KDM4C: variants seen among roughly 807,000 people sequenced by gnomAD.
KDM4C encodes the protein lysine-specific demethylase 4C.
Under a neutral mutation model 129.3 loss-of-function variants are expected in KDM4C, and 81 were observed. The ratio of observed to expected loss-of-function variants is 0.63; its 90% CI spans 0.52 to 0.75. The LOEUF (loss-of-function observed/expected upper bound fraction) is 0.75, where lower values mean the gene tolerates loss of function less well. Among genes scored for constraint, KDM4C ranks in the 30% least tolerant of loss-of-function variants. KDM4C has a pLI of 0.00. For missense variants in KDM4C, 1,457 were observed against 1,304.0 expected (o/e 1.12, Z -1.81); for synonymous variants, 573 against 456.1 (o/e 1.26, Z -3.26).
At chr9:7,025,201 C>T (rs995148581) in intron 15 of KDM4C, among the ~76,000 whole-genome samples, 13 of 152,120 alleles carry the variant, frequency 8.5e-5, no homozygotes, top group African/African-American at 2.4e-4. Context: ...TTGCTTTTGT[C>T]GCCATGGAAT....
chr9:7,013,326 C>G (rs189420572), intron 13 of KDM4C, among the ~76,000 whole-genome samples: 10 of 152,330 alleles, frequency 6.6e-5, no homozygotes, highest in Admixed American at 5.9e-4. Flanking sequence ...TTCTCTCTCA[C>G]TTGCTTTCAA....
upstream of KDM4C, among the ~76,000 whole-genome samples, chr9:6,754,356 G>A (rs1315243006): frequency 4.0e-5 from 6 of 151,710 alleles, no homozygotes; most frequent in Admixed American, 1.3e-4. Flanking sequence ...GGGATTACAG[G>A]CACCTGCCAC....
At position 6,758,014 on chromosome 9, in the gene KDM4C, AC is replaced by A. The variant is rs1308087679; in HGVS notation, c.-202del. 5.7e-5 allele frequency: 56 copies of A among 984,428 alleles called. No individual in the cohort carries two copies. Among genetic ancestry groups the A allele is most frequent in the Non-Finnish European group, 6.7e-5 (56 of 829,744 alleles). The allele number at this position is 984,428 out of a possible 1,614,324, so 61.0% of individuals were successfully genotyped here. A position where few individuals can be genotyped will look rare whatever the true frequency, so the allele number is the denominator to read the frequency against. On this transcript the variant is annotated 5_prime_UTR_variant, in exon 1 of 22. Coordinates refer to ENST00000381309, the MANE Select transcript of KDM4C (RefSeq NM_015061.6). This position sits in a 1 kb window ranked among gnomAD's most constrained non-coding sequence, Gnocchi z 4.6. ...GCGCCTTCGCCGCTGCCTCCCACCC[AC>A]CCCCTCGACGGGAGGGTGAGGCGCG...
chr9:6,978,650 T>C (rs887163436), intron 8 of KDM4C: 9 of 152,262 alleles, frequency 5.9e-5, no homozygotes, highest in African/African-American at 2.2e-4. Flanking sequence ...TTTCTGCTGG[T>C]ATAAAAGTCT....
intron 19 of KDM4C, among the ~76,000 whole-genome samples, chr9:7,152,678 G>C (rs1232372070): frequency 6.6e-6 from 1 of 152,104 alleles, no homozygotes. Flanking sequence ...ATTGAATGTG[G>C]TTAAAATGGT....
intron 1 of KDM4C, among the ~76,000 whole-genome samples, chr9:6,776,951 A>G (rs941509730): frequency 1.3e-5 from 2 of 152,110 alleles, no homozygotes; most frequent in South Asian, 2.1e-4. Flanking sequence ...TTGTAGTCTT[A>G]TCTTTTCCCC....
chr9:6,734,426 C>T lies in KDM4C; in HGVS notation c.49+13429C>T, dbSNP rs148486245. ...TCTCCTGCCTCAGCCTCCCGAGTAG[C>T]TGGGATTACAGGCATGCGCCACCAC... On this transcript the variant is annotated intron_variant, in intron 1 of 17. Transcript: ENST00000536108. Among the ~76,000 whole-genome samples, 1,444 of 151,760 alleles carry T rather than the reference C, an allele frequency of 9.5e-3. 20 individuals are homozygous for T. The highest frequency in any genetic ancestry group is 0.033 in the African/African-American group (1,374 of 41,376).
intron 6 of KDM4C, 138 bp downstream of exon 6, chr9:6,880,199 A>T (rs1388133824): frequency 9.1e-6 from 4 of 440,830 alleles, no homozygotes; most frequent in South Asian, 6.6e-5. Context: ...TGACTTTTAC[A>T]TGTTTTTTTA....
At chr9:6,757,558 C>A, upstream of KDM4C, 1 of 897,204 alleles carries the variant, frequency 1.1e-6, no homozygotes, top group Non-Finnish European at 1.3e-6. Flanking sequence ...GAGCTGCGAG[C>A]CCCGACTTTC....
intron 19 of KDM4C, among the ~76,000 whole-genome samples, chr9:7,141,272 A>G (rs995053728): frequency 6.6e-6 from 1 of 152,184 alleles, no homozygotes; most frequent in Non-Finnish European, 1.5e-5. Context: ...CTCTTTTCCC[A>G]TTATCACTAG....
chr9:7,068,071 C>T (rs753080801), intron 17 of KDM4C, among the ~76,000 whole-genome samples: 6 of 152,212 alleles, frequency 3.9e-5, no homozygotes, highest in Admixed American at 6.5e-5. Flanking sequence ...GCTGGGATTA[C>T]AGGCGTGAGC....
intron 17 of KDM4C, among the ~76,000 whole-genome samples, chr9:7,051,220 G>A (rs1226001308): frequency 1.3e-5 from 2 of 152,112 alleles, no homozygotes; most frequent in Non-Finnish European, 2.9e-5. Context: ...ATAATAATAC[G>A]AGGAGCAACT....
At chr9:7,100,552 C>A (rs955025919) in intron 17 of KDM4C, among the ~76,000 whole-genome samples, 1 of 152,090 alleles carries the variant, frequency 6.6e-6, no homozygotes, top group African/African-American at 2.4e-5. Flanking sequence ...GTTGGCCAGG[C>A]TGGTCTTGAA....
intron 8 of KDM4C, among the ~76,000 whole-genome samples, chr9:6,919,091 T>C (rs1589103666): frequency 1.3e-5 from 2 of 152,172 alleles, no homozygotes; most frequent in South Asian, 4.1e-4. Flanking sequence ...GACCTTGTGA[T>C]CCACCTGCCT....
rs1375498328 is a variant in KDM4C, at chr9:6,757,974, G to C, written c.-247G>C. Reference sequence around the variant, plus strand: ...CGGCGCGCGCGCCCTCGCGCAGGGAGAGCCGGCGGTGCGCGCGCCTTCGCC... The same window carrying C: ...CGGCGCGCGCGCCCTCGCGCAGGGACAGCCGGCGGTGCGCGCGCCTTCGCC... On this transcript the variant is annotated 5_prime_UTR_variant, in exon 1 of 22. Coordinates refer to ENST00000381309, the MANE Select transcript of KDM4C (RefSeq NM_015061.6). 22 of 985,398 alleles carry C rather than the reference G, an allele frequency of 2.2e-5. No homozygotes were observed. Among genetic ancestry groups the C allele is most frequent in the African/African-American group, 3.5e-5 (2 of 57,364 alleles). 61.0% of individuals were successfully genotyped at this position (985,398 alleles called of 1,614,324 possible).
At chr9:6,995,878 A>T (rs189816087) in intron 12 of KDM4C, among the ~76,000 whole-genome samples, 2 of 140,446 alleles carry the variant, frequency 1.4e-5, no homozygotes, top group Non-Finnish European at 3.2e-5. Context: ...TCACTGTGTT[A>T]GCCAGGATGG....
chr9:7,154,806 C>T (rs561238064), intron 19 of KDM4C, among the ~76,000 whole-genome samples: 8 of 152,272 alleles, frequency 5.3e-5, no homozygotes, highest in African/African-American at 1.9e-4. Context: ...ACTGGCAGCT[C>T]CAGACACCAG....
chr9:6,763,804 C>T (rs1010837571), intron 1 of KDM4C, among the ~76,000 whole-genome samples: 3 of 152,180 alleles, frequency 2.0e-5, no homozygotes, highest in African/African-American at 7.2e-5. Flanking sequence ...GTTGCCCAGG[C>T]TGGAGTGCAA....
intron 4 of KDM4C, chr9:6,834,939 G>C: frequency 1.8e-6 from 2 of 1,113,498 alleles, no homozygotes; most frequent in Non-Finnish European, 1.4e-6. Context: ...GTCACCCACA[G>C]TGTGCCCATC....
Sources: allele counts gnomAD v4.1 joint callset (sites outside exome capture counted in the v4.1 genomes callset), GRCh38; gene constraint gnomAD v4.1.1; non-coding constraint Gnocchi (gnomAD v3.1); transcripts MANE v1.5; gene names NCBI Gene and HGNC (gene_info 2026-07-23, HGNC 2026-07-21).